Variants in CCS observed in about 807,000 individuals in gnomAD.
CCS encodes the protein superoxide dismutase copper chaperone.
In CCS, 32 loss-of-function variants were observed where a neutral mutation model predicts 35.5. That is an observed-to-expected ratio of 0.90 (90% CI 0.68 to 1.21). The LOEUF (loss-of-function observed/expected upper bound fraction) is 1.21, where lower values mean the gene tolerates loss of function less well. Ranked by LOEUF, CCS falls within the 50% of genes most tolerant of loss-of-function variation. The pLI is 0.00. For missense variants in CCS, 342 were observed against 375.4 expected (o/e 0.91, Z 0.73); for synonymous variants, 130 against 147.2 (o/e 0.88, Z 0.84).
chr11:66,599,677 A>C, intron 4 of CCS, 41 bp downstream of exon 4: 1 of 1,563,090 alleles, frequency 6.4e-7, no homozygotes, highest in Non-Finnish European at 8.7e-7. Flanking sequence ...TCTCAGCTAC[A>C]CATTTTCACA....
At chr11:66,597,227 G>A (rs1399271400) in intron 2 of CCS, among the ~76,000 whole-genome samples, 3 of 152,098 alleles carry the variant, frequency 2.0e-5, no homozygotes, top group African/African-American at 4.8e-5. Context: ...GGGAGGCTGA[G>A]GCAGGCAGAT....
chr11:66,593,553 C>T (rs781747553), intron 1 of CCS, 89 bp from the exon 2 acceptor site: 16 of 1,366,542 alleles, frequency 1.2e-5, no homozygotes, highest in Admixed American at 1.1e-4. Context: ...TTCCCAGACC[C>T]TTGCGGTGGT....
chr11:66,604,145 G>A (rs1185399497), intron 5 of CCS, among the ~76,000 whole-genome samples: 1 of 151,996 alleles, frequency 6.6e-6, no homozygotes, highest in Admixed American at 6.6e-5. Context: ...CAGGAGAATT[G>A]CTTGAACCCG....
rs751284758 is a variant in CCS, at chr11:66,605,313, T to TA, written c.490-25dup. The TA allele has an allele frequency of 1.9e-6, 3 of 1,613,898 alleles. No homozygotes were observed. In the South Asian group the frequency reaches 3.3e-5, roughly 18 times the overall value. On this transcript the variant is annotated intron_variant, in intron 5 of 7. Coordinates refer to ENST00000533244, the MANE Select transcript of CCS (RefSeq NM_005125.2). ...TTGGCACCACGTGGCACACATCCCC[T>TA]ATACACACACTGGATCTCATTCCAG...
chr11:66,605,922 A>G lies in CCS; in HGVS notation c.*67A>G, dbSNP rs747225308. 16 of 1,429,138 alleles carry G rather than the reference A, an allele frequency of 1.1e-5. No individual in the cohort carries two copies. The highest frequency in any genetic ancestry group is 1.4e-5 in the Non-Finnish European group (15 of 1,090,236). 88.5% of individuals were successfully genotyped at this position (1,429,138 alleles called of 1,614,324 possible). A position where few individuals can be genotyped will look rare whatever the true frequency, so the allele number is the denominator to read the frequency against. ...GCACTTTCCACTTCCAGAGGGGGCC[A>G]GAGGGACTTTGCCTGCCCAGTCTTT... On this transcript the variant is annotated 3_prime_UTR_variant, in exon 8 of 8. Transcript: ENST00000533244.
At chr11:66,601,372 G>T (rs1181702748) in intron 5 of CCS, among the ~76,000 whole-genome samples, 1 of 152,050 alleles carries the variant, frequency 6.6e-6, no homozygotes, top group Non-Finnish European at 1.5e-5. Context: ...GATTACAGGC[G>T]TGAGCCACTG....
rs1858536855 is a variant in CCS at position 66,599,501 on chromosome 11, C to T, written c.293C>T (p.Thr98Ile). The change falls in exon 4 of 8, where the codon ACC becomes ATC. Residue 98 changes from threonine (T) to isoleucine (I), a missense_variant. Thr to Ile is a moderately conservative substitution (Grantham distance 89, BLOSUM62 -1). Coordinates refer to ENST00000533244, the MANE Select transcript of CCS (RefSeq NM_005125.2). ...GTGGCCATCCTGGGGGGGCCTGGCA[C>T]CGTGCAGGGGGTGGTGCGCTTCCTA... ...AAVAILGGPG[T>I]VQGVVRFLQL... 5.1e-6 allele frequency: 8 copies of T among 1,561,104 alleles called. No individual in the cohort carries two copies. The highest frequency in any genetic ancestry group is 5.2e-6 in the Non-Finnish European group (6 of 1,157,524).
At chr11:66,601,551 C>G (rs984549917) in intron 5 of CCS, among the ~76,000 whole-genome samples, 1 of 151,890 alleles carries the variant, frequency 6.6e-6, no homozygotes, top group Non-Finnish European at 1.5e-5. Context: ...TTTTCCTTTT[C>G]CTTTCTCCCC....
chr11:66,594,124 C>T (rs996385004), intron 2 of CCS, among the ~76,000 whole-genome samples: 3 of 151,972 alleles, frequency 2.0e-5, no homozygotes, highest in South Asian at 4.1e-4. Context: ...TTTGGGAGGC[C>T]GAGGTGGGTG....
At chr11:66,600,105 C>T (rs1445904466) in intron 4 of CCS, 2 of 176,798 alleles carry the variant, frequency 1.1e-5, no homozygotes, top group Non-Finnish European at 2.4e-5. Flanking sequence ...CACTCCAGCT[C>T]AGGGGTGACA....
chr11:66,596,287 G>A (rs987501863), intron 2 of CCS, among the ~76,000 whole-genome samples: 5 of 151,382 alleles, frequency 3.3e-5, no homozygotes, highest in Non-Finnish European at 7.4e-5. Context: ...GGCTAGTATC[G>A]AACTCCTGGC....
chr11:66,595,485 G>A (rs1390004085), intron 2 of CCS, among the ~76,000 whole-genome samples: 1 of 152,094 alleles, frequency 6.6e-6, no homozygotes, highest in East Asian at 1.9e-4. Context: ...GTGTTTTCTG[G>A]TCCGGCTTGG....
chr11:66,593,863 C>A, intron 2 of CCS, 149 bp downstream of exon 2: 1 of 754,856 alleles, frequency 1.3e-6, no homozygotes, highest in Non-Finnish European at 2.2e-6. Flanking sequence ...TACACACAGA[C>A]CTGGAGGCAG....
intron 6 of CCS, 22 bp from the exon 7 acceptor site, chr11:66,605,467 A>T (rs1194454885): frequency 2.5e-6 from 4 of 1,613,680 alleles, no homozygotes; most frequent in Non-Finnish European, 3.4e-6. Context: ...CCATCATCTG[A>T]AGCTGTCGTC....
At chr11:66,599,310 C>T in intron 3 of CCS, 57 bp downstream of exon 3, 1 of 1,524,308 alleles carries the variant, frequency 6.6e-7, no homozygotes, top group Non-Finnish European at 8.8e-7. Context: ...AGAGCTGGTA[C>T]AAATCTAATC....
At chr11:66,593,499 G>C (rs1269131991) in intron 1 of CCS, 143 bp from the exon 2 acceptor site, 2 of 974,428 alleles carry the variant, frequency 2.1e-6, no homozygotes, top group Non-Finnish European at 3.1e-6. Flanking sequence ...ATGGTCATGA[G>C]AGATCATGAA....
chr11:66,605,846 C>T lies in CCS; in HGVS notation c.816C>T (p.Ala272=). 6.5e-7 allele frequency: 1 copy of T among 1,545,034 alleles called. No individual in the cohort carries two copies. The highest frequency in any genetic ancestry group is 8.7e-7 in the Non-Finnish European group (1 of 1,146,344). Residue 272 remains alanine (A), a synonymous_variant, in exon 8 of 8, where the codon GCC becomes GCT. Transcript: ENST00000533244. ...GAAAGGAGTCAGCGCAGCCCCCTGC[C>T]CACCTTTGAGCAGGACCTCACCTTG... ...KGRKESAQPP[A]HL
chr11:66,594,653 G>A (rs922950132), intron 2 of CCS, among the ~76,000 whole-genome samples: 1 of 152,024 alleles, frequency 6.6e-6, no homozygotes, highest in East Asian at 1.9e-4. Context: ...GTGCACTCCT[G>A]TAGTCCCAGC....
chr11:66,604,101 G>A (rs1214695416), intron 5 of CCS, among the ~76,000 whole-genome samples: 2 of 151,702 alleles, frequency 1.3e-5, no homozygotes, highest in Admixed American at 6.6e-5. Context: ...GTAGTGGCGC[G>A]TGCCTGTAAT....
Sources: allele counts gnomAD v4.1 joint callset (sites outside exome capture counted in the v4.1 genomes callset), GRCh38; gene constraint gnomAD v4.1.1; transcripts MANE v1.5; gene names NCBI Gene and HGNC (gene_info 2026-07-23, HGNC 2026-07-21).